The following KLHDC10 variants were observed in gnomAD, a reference collection of about 807,000 sequenced individuals.
KLHDC10 encodes the protein kelch domain containing 10.
KLHDC10 carries 24 observed loss-of-function variants against 56.1 expected under a neutral mutation model. That is an observed-to-expected ratio of 0.43 (90% confidence interval 0.31 to 0.60). The LOEUF is 0.60. Ranked by LOEUF, KLHDC10 falls within the 20% of genes least tolerant of loss-of-function variation. The pLI is 0.11. For missense variants in KLHDC10, 349 were observed against 567.0 expected, an observed-to-expected ratio of 0.62 and a Z score of 3.91; for synonymous variants, 188 against 207.1, an observed-to-expected ratio of 0.91 and a Z score of 0.79.
chr7:130,104,239 C>A (rs1008458966), intron 2 of KLHDC10, among the ~76,000 whole-genome samples: 1 of 152,124 alleles, frequency 6.6e-6, no homozygotes, highest in Non-Finnish European at 1.5e-5. Context: ...TCAGGAGTGG[C>A]AGAGGCAGAG....
At chr7:130,094,216 A>C (rs1478718958) in intron 1 of KLHDC10, among the ~76,000 whole-genome samples, 1 of 152,096 alleles carries the variant, frequency 6.6e-6, no homozygotes, top group East Asian at 1.9e-4. Flanking sequence ...GTGAGCCACC[A>C]CGCCAGGCCC....
intron 1 of KLHDC10, among the ~76,000 whole-genome samples, chr7:130,073,218 A>AAAC (rs921106790): frequency 6.6e-5 from 10 of 152,188 alleles, no homozygotes; most frequent in East Asian, 5.8e-4. Flanking sequence ...AAAAATTAAA[A>AAAC]AACAACAACA....
Position 130,116,374 on chromosome 7 carries a change from T to A in KLHDC10, c.254-71T>A. 8.8e-7 allele frequency: 1 copy of A among 1,142,372 alleles called. No homozygotes were observed. Among genetic ancestry groups the A allele is most frequent in the South Asian group, 1.3e-5 (1 of 74,428 alleles). 70.8% of individuals were successfully genotyped at this position (1,142,372 alleles called of 1,614,324 possible). A position where few individuals can be genotyped will look rare whatever the true frequency, so the allele number is the denominator to read the frequency against. ...TGGTCCCCTTTTATGGCTAAAATGG[T>A]TGTTACCTAATTTTGTTTGTGCTTT... is the stretch of plus-strand genomic sequence containing the variant. On this transcript the variant is annotated intron_variant, in intron 2 of 9. Transcript: ENST00000335420. The surrounding 1 kb of genome is among the most constrained non-coding windows in gnomAD (Gnocchi z 4.8).
Position 130,133,946 on chromosome 7 carries a change from T to A in KLHDC10, c.*3200T>A, listed in dbSNP as rs961110170. On this transcript the variant is annotated 3_prime_UTR_variant, in exon 10 of 10. Coordinates refer to ENST00000335420, the MANE Select transcript of KLHDC10 (RefSeq NM_014997.4). The stretch of plus-strand genomic sequence containing the variant: ...GCAGAATCTCCTTTTTTCAGGGCCA[T>A]AATGACATGATGTAAAAATTTGCTT... The A allele has an allele frequency of 3.3e-5, 5 of 152,208 alleles. No individual in the cohort carries two copies. Among genetic ancestry groups the A allele is most frequent in the Non-Finnish European group, 7.3e-5 (5 of 68,028 alleles). 9.4% of individuals were successfully genotyped at this position (152,208 alleles called of 1,614,324 possible).
chr7:130,101,550 C>T (rs897865958), intron 2 of KLHDC10, among the ~76,000 whole-genome samples: 2 of 152,166 alleles, frequency 1.3e-5, no homozygotes, highest in Non-Finnish European at 2.9e-5. Context: ...CCTACTCCTT[C>T]TCTCCCTTCA....
At chr7:130,096,043 C>T (rs1292158462) in intron 1 of KLHDC10, among the ~76,000 whole-genome samples, 1 of 152,100 alleles carries the variant, frequency 6.6e-6, no homozygotes, top group African/African-American at 2.4e-5. Context: ...AATCTCAGGT[C>T]CTAGCATAGG....
At chr7:130,121,229 G>A (rs1029042583) in intron 4 of KLHDC10, among the ~76,000 whole-genome samples, 1 of 152,014 alleles carries the variant, frequency 6.6e-6, no homozygotes, top group African/African-American at 2.4e-5. Flanking sequence ...GAGAGATTGG[G>A]CTTCACTATG....
chr7:130,114,910 G>C (rs149068911), intron 2 of KLHDC10, among the ~76,000 whole-genome samples: 1 of 151,998 alleles, frequency 6.6e-6, no homozygotes, highest in African/African-American at 2.4e-5. Flanking sequence ...GTAGGACAAG[G>C]TTAGTAGGAG....
intron 2 of KLHDC10, among the ~76,000 whole-genome samples, chr7:130,110,668 A>G (rs1045256864): frequency 8.5e-5 from 13 of 152,188 alleles, no homozygotes; most frequent in Non-Finnish European, 1.8e-4. Flanking sequence ...CCAACAGAAG[A>G]CCTGTCTTTT....
chr7:130,094,497 T>C (rs1484363115), intron 1 of KLHDC10, among the ~76,000 whole-genome samples: 1 of 151,810 alleles, frequency 6.6e-6, no homozygotes, highest in East Asian at 1.9e-4. Context: ...ATAAAGACCA[T>C]CATAAAGGGG....
At chr7:130,076,165 A>G (rs1168177733) in intron 1 of KLHDC10, among the ~76,000 whole-genome samples, 1 of 152,098 alleles carries the variant, frequency 6.6e-6, no homozygotes, top group African/African-American at 2.4e-5. Flanking sequence ...TTCACCGTAG[A>G]GTTAGCACTC....
intron 6 of KLHDC10, among the ~76,000 whole-genome samples, chr7:130,124,919 C>T (rs1006203730): frequency 2.0e-5 from 3 of 152,104 alleles, no homozygotes; most frequent in African/African-American, 7.2e-5. Context: ...TAGGGTTGCA[C>T]GTCATGAACT....
intron 3 of KLHDC10, among the ~76,000 whole-genome samples, chr7:130,118,717 C>T (rs1175404063): frequency 1.3e-5 from 2 of 152,128 alleles, no homozygotes; most frequent in Admixed American, 1.3e-4. Context: ...CACTTCAATA[C>T]TCAGAGGCCA....
chr7:130,083,224 A>T (rs1050366957), intron 1 of KLHDC10, among the ~76,000 whole-genome samples: 2 of 152,184 alleles, frequency 1.3e-5, no homozygotes, highest in Admixed American at 1.3e-4. Flanking sequence ...TGGCTATATC[A>T]TCAATTTAGT....
Position 130,130,929 on chromosome 7 carries a change from T to C in KLHDC10, c.*183T>C. 2 of 587,306 alleles carry C rather than the reference T, an allele frequency of 3.4e-6. No individual in the cohort carries two copies. The highest frequency in any genetic ancestry group is 6.0e-6 in the Non-Finnish European group (2 of 330,796). The allele number at this position is 587,306 out of a possible 1,614,324, so 36.4% of individuals were successfully genotyped here. ...TTTATGGACATCTCACTTTCCCACG[T>C]GCTTCCTTCTTTGCTTCTGTTCCTC... is the stretch of plus-strand genomic sequence containing the variant. On this transcript the variant is annotated 3_prime_UTR_variant, in exon 10 of 10. Coordinates refer to ENST00000335420, the MANE Select transcript of KLHDC10 (RefSeq NM_014997.4). This position sits in a 1 kb window ranked among gnomAD's most constrained non-coding sequence, Gnocchi z 4.2.
chr7:130,119,416 G>A (rs1047725280), intron 3 of KLHDC10, among the ~76,000 whole-genome samples: 1 of 151,820 alleles, frequency 6.6e-6, no homozygotes, highest in African/African-American at 2.4e-5. Context: ...GGAAATTGAG[G>A]CAGGAGGATC....
chr7:130,086,120 T>C (rs1795686866), intron 1 of KLHDC10, among the ~76,000 whole-genome samples: 1 of 152,194 alleles, frequency 6.6e-6, no homozygotes, highest in South Asian at 2.1e-4. Flanking sequence ...GCCATTCCCT[T>C]ACTTTTTAAA....
intron 2 of KLHDC10, among the ~76,000 whole-genome samples, chr7:130,104,501 AAGAC>A (rs1358895873): frequency 1.3e-5 from 2 of 152,228 alleles, no homozygotes; most frequent in Non-Finnish European, 2.9e-5. Flanking sequence ...AATTTCAAAA[AAGAC>A]AGTTCAATGA....
At chr7:130,113,548 G>A (rs1161618824) in intron 2 of KLHDC10, among the ~76,000 whole-genome samples, 1 of 152,094 alleles carries the variant, frequency 6.6e-6, no homozygotes, top group African/African-American at 2.4e-5. Flanking sequence ...GACCAGGCTG[G>A]TCTCAAAATC....
Sources: allele counts gnomAD v4.1 joint callset (sites outside exome capture counted in the v4.1 genomes callset), GRCh38; gene constraint gnomAD v4.1.1; non-coding constraint Gnocchi (gnomAD v3.1); transcripts MANE v1.5; gene names NCBI Gene and HGNC (gene_info 2026-07-23, HGNC 2026-07-21).